The following TCF4 variants were observed in gnomAD, a reference collection of about 807,000 sequenced individuals.
TCF4 encodes SL3-3 enhancer factor 2.
A neutral mutation model predicts 82.1 loss-of-function variants in TCF4; 3 were observed. That is an observed-to-expected ratio of 0.04 (90% CI 0.02 to 0.09). The LOEUF is 0.09. TCF4 is among the 10% of genes least tolerant of loss of function. TCF4 has a pLI of 1.00. For synonymous variants in TCF4, 276 were observed against 309.6 expected, an observed-to-expected ratio of 0.89 and a Z score of 1.14; for missense variants, 518 against 852.7, an observed-to-expected ratio of 0.61 and a Z score of 4.89.
intron 2 of TCF4, among the ~76,000 whole-genome samples, chr18:55,620,106 G>A (rs2147979800): frequency 6.6e-6 from 1 of 152,090 alleles, no homozygotes; most frequent in South Asian, 2.1e-4. Flanking sequence ...TCTTCTTCCT[G>A]CCACCTTGTG....
In TCF4 at chr18:55,587,186, G is replaced by A. The variant is rs1444316252; in HGVS notation, c.-20-50C>T. The A allele has an allele frequency of 4.2e-6, 5 of 1,186,638 alleles. No individual in the cohort carries two copies. The Admixed American group carries it at 7.0e-5, about 17-fold the overall frequency. The allele number at this position is 1,186,638 out of a possible 1,614,324, so 73.5% of individuals were successfully genotyped here. A position where few individuals can be genotyped will look rare whatever the true frequency, so the allele number is the denominator to read the frequency against. On this transcript the variant is annotated intron_variant, in intron 1 of 19. Transcript: ENST00000354452. ...TCAGAAAATCCAGTCCCAATCCTTG[G>A]AGAAAACACAATCGGATTTTTGGAG...
At chr18:55,340,255 A>AT (rs1442735845) in intron 8 of TCF4, among the ~76,000 whole-genome samples, 1 of 152,212 alleles carries the variant, frequency 6.6e-6, no homozygotes, top group African/African-American at 2.4e-5. Context: ...AGCTCCGGGC[A>AT]TCACAGCCGA....
chr18:55,293,513 A>G (rs1188724860), intron 8 of TCF4, among the ~76,000 whole-genome samples: 1 of 152,084 alleles, frequency 6.6e-6, no homozygotes. Flanking sequence ...ATGATCCCTA[A>G]TGTGCTCTAC....
chr18:55,354,053 G>C (rs974145616), intron 6 of TCF4, among the ~76,000 whole-genome samples: 1 of 152,186 alleles, frequency 6.6e-6, no homozygotes, highest in African/African-American at 2.4e-5. Flanking sequence ...GCATCTGGCA[G>C]AGCTAACCTG....
intron 6 of TCF4, among the ~76,000 whole-genome samples, chr18:55,397,042 G>C (rs1053623223): frequency 2.2e-4 from 33 of 152,058 alleles, no homozygotes; most frequent in Non-Finnish European, 5.9e-5. Flanking sequence ...TTAGGTCAAA[G>C]GTTGTTGGGA....
rs2046431467 is a variant in TCF4 at position 55,225,155 on chromosome 18, C to G, written c.*2880G>C. On this transcript the variant is annotated 3_prime_UTR_variant, in exon 20 of 20. Transcript: ENST00000354452. ...ATTATGTTTCTCCACCAAGCAAAAC[C>G]TAGCGAGCAGCTTTCAGTGGCCGTT... 6.6e-6 allele frequency: 1 copy of G among 152,320 alleles called. No individual in the cohort carries two copies. The highest frequency in any genetic ancestry group is 6.6e-5 in the Admixed American group (1 of 15,248). The allele number at this position is 152,320 out of a possible 1,614,324, so 9.4% of individuals were successfully genotyped here.
chr18:55,305,601 G>A (rs1012697664), intron 8 of TCF4, among the ~76,000 whole-genome samples: 9 of 152,086 alleles, frequency 5.9e-5, no homozygotes, highest in African/African-American at 9.7e-5. Context: ...CTAGGATTAC[G>A]GAATGGTATC....
chr18:55,472,489 G>T (rs2096205449), intron 3 of TCF4, among the ~76,000 whole-genome samples: 1 of 152,076 alleles, frequency 6.6e-6, no homozygotes, highest in South Asian at 2.1e-4. Flanking sequence ...GGCTAGCTGG[G>T]GTCTTCCTCT....
chr18:55,235,178 C>T (rs1467435993), intron 15 of TCF4, among the ~76,000 whole-genome samples: 3 of 152,000 alleles, frequency 2.0e-5, no homozygotes, highest in East Asian at 1.9e-4. Context: ...CCTCTGACAG[C>T]GGAAGCTACA....
intron 15 of TCF4, among the ~76,000 whole-genome samples, chr18:55,251,768 G>A (rs924519048): frequency 6.6e-6 from 1 of 152,196 alleles, no homozygotes. Flanking sequence ...ACTCTCACCA[G>A]TGCTCTCTGC....
intron 6 of TCF4, among the ~76,000 whole-genome samples, chr18:55,369,260 T>G (rs1276835103): frequency 6.6e-6 from 1 of 152,242 alleles, no homozygotes; most frequent in Non-Finnish European, 1.5e-5. Flanking sequence ...TCAAACTGTC[T>G]TCTCAACACC....
intron 15 of TCF4, among the ~76,000 whole-genome samples, chr18:55,242,990 GT>G (rs1428395806): frequency 6.6e-6 from 1 of 152,154 alleles, no homozygotes; most frequent in Non-Finnish European, 1.5e-5. Flanking sequence ...ACAAGGTCAT[GT>G]AGGGTTTTAA....
intron 2 of TCF4, among the ~76,000 whole-genome samples, chr18:55,617,043 T>C (rs1447254891): frequency 1.3e-5 from 2 of 152,164 alleles, no homozygotes; most frequent in African/African-American, 4.8e-5. Context: ...CCCAATGTTT[T>C]CTTCTAGGCA....
intron 1 of TCF4, among the ~76,000 whole-genome samples, chr18:55,632,932 G>A (rs189165875): frequency 6.6e-6 from 1 of 152,274 alleles, no homozygotes; most frequent in East Asian, 1.9e-4. Flanking sequence ...AACAGATGTG[G>A]AATAGGTAGT....
At position 55,225,061 on chromosome 18, in the gene TCF4, T is replaced by C. The variant is rs1020690108; in HGVS notation, c.*2974A>G. Reference sequence around the variant, plus strand: ...AAAACAACAACAATAAAAAACACACTAAAAAGGCCACATTCCCTTTTTTTC... The same window carrying C: ...AAAACAACAACAATAAAAAACACACCAAAAAGGCCACATTCCCTTTTTTTC... On this transcript the variant is annotated 3_prime_UTR_variant, in exon 20 of 20. Transcript: ENST00000354452. 2 of 152,160 alleles carry C rather than the reference T, an allele frequency of 1.3e-5. No homozygotes were observed. Among genetic ancestry groups the C allele is most frequent in the Non-Finnish European group, 2.9e-5 (2 of 68,008 alleles). 9.4% of individuals were successfully genotyped at this position (152,160 alleles called of 1,614,324 possible).
At chr18:55,614,427 C>T (rs2147969310) in intron 2 of TCF4, among the ~76,000 whole-genome samples, 1 of 152,224 alleles carries the variant, frequency 6.6e-6, no homozygotes, top group East Asian at 1.9e-4. Context: ...CTCCACATCC[C>T]TAAAGCATAA....
chr18:55,230,954 G>C (rs140337147), intron 17 of TCF4: 3 of 152,292 alleles, frequency 2.0e-5, no homozygotes, highest in African/African-American at 4.8e-5. Flanking sequence ...GAAGGATGCT[G>C]TAAGACCAGG....
At chr18:55,418,752 C>A (rs2094613831) in intron 5 of TCF4, among the ~76,000 whole-genome samples, 1 of 152,120 alleles carries the variant, frequency 6.6e-6, no homozygotes, top group Admixed American at 6.5e-5. Flanking sequence ...TCATGCCATA[C>A]TTGAGGAAGT....
intron 8 of TCF4, among the ~76,000 whole-genome samples, chr18:55,342,555 G>A (rs1204264295): frequency 6.6e-6 from 1 of 152,096 alleles, no homozygotes; most frequent in East Asian, 1.9e-4. Flanking sequence ...AACTCAACAA[G>A]TCTAAATAAT....
Sources: gnomAD v4.1 joint callset for allele counts (sites outside exome capture counted in the v4.1 genomes callset) on GRCh38, gnomAD v4.1.1 for gene constraint, MANE v1.5 for transcripts, NCBI Gene and HGNC (gene_info 2026-07-23, HGNC 2026-07-21) for gene names.